Variants in LRRTM4 observed in about 807,000 individuals in gnomAD.
LRRTM4 encodes leucine rich repeat transmembrane neuronal 4, also known as leucine-rich repeat transmembrane neuronal protein 4.
In LRRTM4, 25 loss-of-function variants were observed where a neutral mutation model predicts 47.6. The ratio of observed to expected loss-of-function variants is 0.53; its 90% CI spans 0.38 to 0.73. The LOEUF is 0.73. LRRTM4 is among the 30% of genes least tolerant of loss of function. LRRTM4 has a pLI of 0.00. For missense variants in LRRTM4, 638 were observed against 713.4 expected, an observed-to-expected ratio of 0.89 and a Z score of 1.20; for synonymous variants, 311 against 269.5, an observed-to-expected ratio of 1.15 and a Z score of -1.51.
chr2:76,828,166 T>C lies in LRRTM4; in HGVS notation c.1552-79250A>G, dbSNP rs535749014. On this transcript the variant is annotated intron_variant, in intron 3 of 3. Transcript: ENST00000409884. ...TCTCCTGTGAATTTCACTTTAACAT[T>C]GAATGATGTGAGGGTAAGTGATTGC... 2.6e-5 allele frequency among the ~76,000 whole-genome samples: 4 copies of C among 152,046 alleles called. No homozygotes were observed. The South Asian group carries it at 8.3e-4, about 31-fold the overall frequency.
At chr2:77,493,492 AAG>A (rs1678246917) in intron 3 of LRRTM4, among the ~76,000 whole-genome samples, 1 of 152,094 alleles carries the variant, frequency 6.6e-6, no homozygotes, top group African/African-American at 2.4e-5. Flanking sequence ...TGTAAATAGA[AAG>A]ACTGTCATTT....
intron 3 of LRRTM4, among the ~76,000 whole-genome samples, chr2:77,051,589 G>A (rs1679434522): frequency 6.6e-6 from 1 of 152,154 alleles, no homozygotes; most frequent in African/African-American, 2.4e-5. Flanking sequence ...GTGTGTGAGT[G>A]TGCTCCTAAA....
intron 3 of LRRTM4, among the ~76,000 whole-genome samples, chr2:76,938,175 T>A (rs1000607873): frequency 1.3e-5 from 2 of 152,176 alleles, no homozygotes; most frequent in Admixed American, 6.5e-5. Context: ...TTTATTTTTC[T>A]CCTTACATTT....
At chr2:77,260,829 T>C (rs957104589) in intron 3 of LRRTM4, among the ~76,000 whole-genome samples, 3 of 152,100 alleles carry the variant, frequency 2.0e-5, no homozygotes, top group East Asian at 3.9e-4. Flanking sequence ...CAAAATGCAG[T>C]TGGGAACCTT....
intron 3 of LRRTM4, among the ~76,000 whole-genome samples, chr2:76,908,535 A>G (rs1673933804): frequency 6.6e-6 from 1 of 152,006 alleles, no homozygotes; most frequent in Admixed American, 6.6e-5. Context: ...TTCAATTAAG[A>G]AAAGAGGAAG....
At chr2:77,267,427 G>A (rs1324906098) in intron 3 of LRRTM4, among the ~76,000 whole-genome samples, 1 of 152,156 alleles carries the variant, frequency 6.6e-6, no homozygotes, top group Admixed American at 6.5e-5. Flanking sequence ...ATCCTCTGGA[G>A]GAGGGAAACA....
rs781106918 is a variant in LRRTM4 at position 77,518,561 on chromosome 2, C to T, written c.1308G>A (p.Val436=). The T allele has an allele frequency of 8.1e-6, 13 of 1,613,230 alleles. No homozygotes were observed. The highest frequency in any genetic ancestry group is 1.0e-5 in the Non-Finnish European group (12 of 1,179,610). Reference sequence around the variant, plus strand: ...CATAGATCACCAAGAGGATCATGGCCACTGAGAGAAAGAGAGCCACACTCC... The same window carrying T: ...CATAGATCACCAAGAGGATCATGGCTACTGAGAGAAAGAGAGCCACACTCC... ...IAGSVALFLS[V]AMILLVIYVS... The change falls in exon 3 of 4, where the codon GTG becomes GTA. Residue 436 remains valine, a synonymous_variant. Transcript: ENST00000409884.
chr2:77,124,710 C>T (rs1261656005), intron 3 of LRRTM4, among the ~76,000 whole-genome samples: 1 of 152,240 alleles, frequency 6.6e-6, no homozygotes, highest in East Asian at 1.9e-4. Context: ...GTTTTGTATT[C>T]CTCTAGCCAT....
intron 3 of LRRTM4, among the ~76,000 whole-genome samples, chr2:76,923,573 T>C (rs959841023): frequency 6.6e-6 from 1 of 152,024 alleles, no homozygotes; most frequent in African/African-American, 2.4e-5. Flanking sequence ...TTCACTCAAT[T>C]TTAACAACTA....
At chr2:76,762,321 C>A (rs1273561467) in intron 3 of LRRTM4, among the ~76,000 whole-genome samples, 1 of 152,128 alleles carries the variant, frequency 6.6e-6, no homozygotes, top group Non-Finnish European at 1.5e-5. Flanking sequence ...GGCCATCACC[C>A]AGAATATAAG....
At chr2:77,273,570 G>C (rs1175996766) in intron 3 of LRRTM4, among the ~76,000 whole-genome samples, 1 of 152,094 alleles carries the variant, frequency 6.6e-6, no homozygotes, top group Non-Finnish European at 1.5e-5. Context: ...CCTATAATAA[G>C]ACAAACAGGA....
At chr2:77,161,918 G>A (rs1672740051) in intron 3 of LRRTM4, among the ~76,000 whole-genome samples, 4 of 152,124 alleles carry the variant, frequency 2.6e-5, no homozygotes, top group African/African-American at 7.2e-5. Flanking sequence ...GCTCCAAGAT[G>A]GCTGAATAGG....
At chr2:77,495,810 A>G (rs968930457) in intron 3 of LRRTM4, among the ~76,000 whole-genome samples, 1 of 152,054 alleles carries the variant, frequency 6.6e-6, no homozygotes, top group East Asian at 1.9e-4. Flanking sequence ...GATAGTGCTG[A>G]CACTCCAGCT....
At chr2:76,808,590 G>A (rs1480901488) in intron 3 of LRRTM4, among the ~76,000 whole-genome samples, 1 of 152,110 alleles carries the variant, frequency 6.6e-6, no homozygotes, top group East Asian at 1.9e-4. Flanking sequence ...TTTCAAATAT[G>A]CAAAACTACT....
chr2:76,845,215 G>A (rs1829289), intron 3 of LRRTM4, among the ~76,000 whole-genome samples: 58,902 of 151,998 alleles, frequency 0.39, 12,352 homozygotes, highest in East Asian at 0.65. Context: ...GTGTGGCCTC[G>A]TGCGGTGGCT....
At chr2:76,904,643 T>A (rs868201717) in intron 3 of LRRTM4, among the ~76,000 whole-genome samples, 1 of 152,160 alleles carries the variant, frequency 6.6e-6, no homozygotes, top group Non-Finnish European at 1.5e-5. Context: ...GGAATCTGCA[T>A]CAATGTTTTA....
chr2:77,320,557 A>G (rs1188673589), intron 3 of LRRTM4, among the ~76,000 whole-genome samples: 1 of 152,200 alleles, frequency 6.6e-6, no homozygotes, highest in African/African-American at 2.4e-5. Flanking sequence ...AATGTGGCTG[A>G]CCAGAAGAAG....
chr2:77,392,423 T>C (rs1428997322), intron 3 of LRRTM4, among the ~76,000 whole-genome samples: 1 of 151,974 alleles, frequency 6.6e-6, no homozygotes, highest in Admixed American at 6.6e-5. Context: ...CAAAATAAAT[T>C]CTAAATTCAC....
chr2:77,516,704 A>G lies in LRRTM4; in HGVS notation c.1551+1614T>C, dbSNP rs181059905. ...TTTATTCTTTTTAATTTTTAAGGGC[A>G]ATTGCTTATACAGTTTCCTTTTAGG... On this transcript the variant is annotated intron_variant, in intron 3 of 3. Transcript: ENST00000409884. 2.0e-4 allele frequency: 189 copies of G among 967,806 alleles called. No homozygotes were observed. The African/African-American group carries it at 3.0e-3, about 15-fold the overall frequency. 60.0% of individuals were successfully genotyped at this position (967,806 alleles called of 1,614,324 possible).
Sources: gnomAD v4.1 joint callset for allele counts (sites outside exome capture counted in the v4.1 genomes callset) on GRCh38, gnomAD v4.1.1 for gene constraint, MANE v1.5 for transcripts, NCBI Gene and HGNC (gene_info 2026-07-23, HGNC 2026-07-21) for gene names.